RAPH1: variants seen among roughly 807,000 people sequenced by gnomAD.
The protein encoded by RAPH1 is Ras association (RalGDS/AF-6) and pleckstrin homology domains 1.
Under a neutral mutation model 88.1 loss-of-function variants are expected in RAPH1, and 18 were observed. The observed-to-expected ratio is 0.20, with a 90% CI of 0.14 to 0.30. RAPH1 has a LOEUF of 0.30. RAPH1 is among the 10% of genes least tolerant of loss of function. The probability of loss-of-function intolerance (pLI) is 1.00; values close to 1 mark genes in which losing one functional copy is unlikely to be tolerated. For missense variants in RAPH1, 1,448 were observed against 1,543.2 expected, an observed-to-expected ratio of 0.94 and a Z score of 1.03; for synonymous variants, 587 against 559.0, an observed-to-expected ratio of 1.05 and a Z score of -0.71.
At chr2:203,455,390 G>A (rs748394290) in intron 9 of RAPH1, 47 bp downstream of exon 9, 2 of 1,575,512 alleles carry the variant, frequency 1.3e-6, no homozygotes, top group East Asian at 2.3e-5. Flanking sequence ...CAAATTAAAA[G>A]CAATTAGCAT....
intron 4 of RAPH1, among the ~76,000 whole-genome samples, chr2:203,465,297 T>C (rs1201397451): frequency 6.6e-6 from 1 of 152,202 alleles, no homozygotes; most frequent in Non-Finnish European, 1.5e-5. Context: ...CAATGGAATA[T>C]TATTCAGCAC....
intron 1 of RAPH1, among the ~76,000 whole-genome samples, chr2:203,520,396 G>A (rs1689813221): frequency 6.6e-6 from 1 of 151,540 alleles, no homozygotes; most frequent in Non-Finnish European, 1.5e-5. Flanking sequence ...GGGAGGCCGA[G>A]GCGGGTGGAT....
At chr2:203,527,377 T>A (rs1475281236) in intron 1 of RAPH1, among the ~76,000 whole-genome samples, 2 of 152,208 alleles carry the variant, frequency 1.3e-5, no homozygotes, top group African/African-American at 4.8e-5. Context: ...GCTAGAGTGA[T>A]AGTAATTACT....
rs775596883 is a variant in RAPH1, at chr2:203,461,831, A to G, written c.810+17T>C. ...CTGATAAAAAAATCCCAAACCAGGA[A>G]GAGGCCCACATATCACCTTTTTCAC... is the stretch of plus-strand genomic sequence containing the variant. On this transcript the variant is annotated intron_variant, in intron 5 of 13. Coordinates refer to ENST00000319170, the MANE Select transcript of RAPH1 (RefSeq NM_213589.3). 1.3e-6 allele frequency: 2 copies of G among 1,574,658 alleles called. No individual in the cohort carries two copies. Among genetic ancestry groups the G allele is most frequent in the South Asian group, 2.4e-5 (2 of 83,540 alleles).
intron 2 of RAPH1, among the ~76,000 whole-genome samples, chr2:203,492,832 C>T (rs868486174): frequency 6.6e-6 from 1 of 150,912 alleles, no homozygotes; most frequent in East Asian, 1.9e-4. Flanking sequence ...AACTCTTAAC[C>T]TTTTTAAAGG....
intron 1 of RAPH1, among the ~76,000 whole-genome samples, chr2:203,503,519 C>T (rs965767392): frequency 6.6e-6 from 1 of 152,108 alleles, no homozygotes; most frequent in Non-Finnish European, 1.5e-5. Flanking sequence ...ATTATCTCCC[C>T]CTGGGCCCCT....
intron 1 of RAPH1, among the ~76,000 whole-genome samples, chr2:203,502,377 GTAAC>G (rs1257231314): frequency 6.6e-6 from 1 of 152,158 alleles, no homozygotes; most frequent in Non-Finnish European, 1.5e-5. Flanking sequence ...AACCCAGGAT[GTAAC>G]TAACACATCC....
intron 1 of RAPH1, among the ~76,000 whole-genome samples, chr2:203,506,163 T>C (rs1401687991): frequency 6.6e-6 from 1 of 152,214 alleles, no homozygotes; most frequent in Non-Finnish European, 1.5e-5. Context: ...CAAATAGACG[T>C]AGCCTATAGC....
chr2:203,526,501 G>A (rs1314771072), intron 1 of RAPH1, among the ~76,000 whole-genome samples: 1 of 152,050 alleles, frequency 6.6e-6, no homozygotes, highest in Non-Finnish European at 1.5e-5. Flanking sequence ...AAGGCAGGCA[G>A]ATCACCTGAG....
At position 203,439,556 on chromosome 2, in the gene RAPH1, C is replaced by A; in HGVS notation, c.3634G>T (p.Asp1212Tyr). Residue 1212 changes from aspartate (D) to tyrosine (Y), a missense_variant, in exon 14 of 14, where the codon GAT becomes TAT. Physicochemically the swap from Asp to Tyr is radical, Grantham distance 160 (BLOSUM62 -3). Coordinates refer to ENST00000319170, the MANE Select transcript of RAPH1 (RefSeq NM_213589.3). ...CCTCCGTAACCAGCCTTCTGTTGATCAGACAGCAGTTCAGGGGGTGGTGGA... is the reference window on the plus strand; with the variant it reads ...CCTCCGTAACCAGCCTTCTGTTGATAAGACAGCAGTTCAGGGGGTGGTGGA... ...LPPPPPELLS[D>Y]QQKAGYGGSH... 13 of 1,614,152 alleles carry A rather than the reference C, an allele frequency of 8.1e-6. No homozygotes were observed. Among genetic ancestry groups the A allele is most frequent in the Non-Finnish European group, 1.0e-5 (12 of 1,180,012 alleles).
In RAPH1 at chr2:203,489,715, C is replaced by T. The variant is rs1378105458; in HGVS notation, c.601G>A (p.Val201Ile). Residue 201 changes from valine to isoleucine, a missense_variant, in exon 4 of 14, where the codon GTA becomes ATA. Around this residue, in one of 2 missense-constraint regions of RAPH1, gnomAD observed 513 missense variants for 653.1 expected, o/e 0.79. Coordinates refer to ENST00000319170, the MANE Select transcript of RAPH1 (RefSeq NM_213589.3). The stretch of plus-strand genomic sequence containing the variant: ...TGGGAGGAATTACTAATAGAGTGTA[C>T]TTCAGCATCACTCACTGTGCCTGCT... ...ASAGTVSDAEVHSISNSSHSS... is the reference protein window; with the variant it reads ...ASAGTVSDAEIHSISNSSHSS... 1 of 1,614,046 alleles carries T rather than the reference C, an allele frequency of 6.2e-7. No homozygotes were observed. Among genetic ancestry groups the T allele is most frequent in the African/African-American group, 1.3e-5 (1 of 74,904 alleles).
At chr2:203,474,105 G>T (rs1055661850) in intron 4 of RAPH1, among the ~76,000 whole-genome samples, 4 of 152,202 alleles carry the variant, frequency 2.6e-5, no homozygotes, top group Non-Finnish European at 5.9e-5. Context: ...AAAAGCTACA[G>T]TCCTGGAGGA....
chr2:203,532,164 G>T (rs1174748260), intron 1 of RAPH1, among the ~76,000 whole-genome samples: 1 of 152,178 alleles, frequency 6.6e-6, no homozygotes, highest in Non-Finnish European at 1.5e-5. Context: ...TTGTTACTAG[G>T]AGGGTAGGGT....
At chr2:203,452,392 T>C (rs1232376029) in intron 10 of RAPH1, among the ~76,000 whole-genome samples, 2 of 152,228 alleles carry the variant, frequency 1.3e-5, no homozygotes, top group Non-Finnish European at 2.9e-5. Flanking sequence ...AATATCTTTC[T>C]CCTCAGGGAT....
chr2:203,499,577 G>A (rs1688652794), intron 1 of RAPH1, among the ~76,000 whole-genome samples: 1 of 152,116 alleles, frequency 6.6e-6, no homozygotes, highest in Non-Finnish European at 1.5e-5. Flanking sequence ...GCTGGGCATG[G>A]TGGCGGGCGC....
At chr2:203,459,086 G>A (rs1276568832) in intron 7 of RAPH1, among the ~76,000 whole-genome samples, 1 of 152,002 alleles carries the variant, frequency 6.6e-6, no homozygotes, top group Admixed American at 6.6e-5. Context: ...AGCCAGGATG[G>A]TCTCGATCTC....
chr2:203,534,505 T>TCCCCC (rs1486665508), intron 1 of RAPH1, among the ~76,000 whole-genome samples: 36 of 7,402 alleles, frequency 4.9e-3, no homozygotes, highest in Non-Finnish European at 8.5e-3. Flanking sequence ...CCTCCCTCCG[T>TCCCCC]CCACCCCCCC....
chr2:203,451,903 G>A (rs1461323169), intron 10 of RAPH1, among the ~76,000 whole-genome samples: 6 of 152,198 alleles, frequency 3.9e-5, no homozygotes, highest in Non-Finnish European at 7.3e-5. Context: ...CAAAAGGAGG[G>A]TGGTTGAGTA....
intron 4 of RAPH1, among the ~76,000 whole-genome samples, chr2:203,469,316 C>T (rs1270451790): frequency 1.3e-5 from 2 of 152,180 alleles, no homozygotes; most frequent in African/African-American, 4.8e-5. Flanking sequence ...TACCACCAGT[C>T]ATAGATCTGC....
Sources: gnomAD v4.1 joint callset for allele counts (sites outside exome capture counted in the v4.1 genomes callset) on GRCh38, gnomAD v4.1.1 for gene constraint, gnomAD v4.1.1 regional missense constraint, MANE v1.5 for transcripts, NCBI Gene and HGNC (gene_info 2026-07-23, HGNC 2026-07-21) for gene names.